The following PCED1B variants were observed in gnomAD, a reference collection of about 807,000 sequenced individuals.
PCED1B encodes PC-esterase domain containing 1B.
For synonymous variants in PCED1B, 251 were observed against 246.1 expected (o/e 1.02, Z -0.19); for missense variants, 573 against 573.9 (o/e 1.00, Z 0.02).
chr12:47,174,279 C>T (rs903367260), intron 2 of PCED1B, among the ~76,000 whole-genome samples: 7 of 151,960 alleles, frequency 4.6e-5, no homozygotes, highest in Non-Finnish European at 1.0e-4. Flanking sequence ...CATGGTGGCG[C>T]ATGCTTGTAA....
At chr12:47,156,091 G>A (rs1051790083) in intron 2 of PCED1B, among the ~76,000 whole-genome samples, 2 of 152,244 alleles carry the variant, frequency 1.3e-5, no homozygotes, top group African/African-American at 4.8e-5. Context: ...AAATGTTAGG[G>A]CTTCAAGTTC....
At position 47,236,033 on chromosome 12, in the gene PCED1B, A is replaced by G; in HGVS notation, c.970A>G (p.Ile324Val). Reference protein sequence around the residue: ...PLLSPQPPPPILHHQGMPRFP... With the variant: ...PLLSPQPPPPVLHHQGMPRFP... ...CCTGTCCCCACAGCCTCCTCCTCCCATTCTCCATCACCAGGGAATGCCCCG... is the reference window on the plus strand; with the variant it reads ...CCTGTCCCCACAGCCTCCTCCTCCCGTTCTCCATCACCAGGGAATGCCCCG... The change falls in exon 4 of 4, where the codon ATT becomes GTT. Residue 324 changes from isoleucine to valine, a missense_variant. Transcript: ENST00000546455. 3 of 1,598,200 alleles carry G rather than the reference A, an allele frequency of 1.9e-6. No individual in the cohort carries two copies. The highest frequency in any genetic ancestry group is 2.6e-6 in the Non-Finnish European group (3 of 1,174,658).
intron 2 of PCED1B, among the ~76,000 whole-genome samples, chr12:47,112,511 A>G (rs140475070): frequency 1.3e-5 from 2 of 152,290 alleles, no homozygotes; most frequent in East Asian, 3.9e-4. Context: ...ACTTCCACTC[A>G]CTATTTCCCT....
rs576089191 is a variant in PCED1B at position 47,100,996 on chromosome 12, G to A, written c.-608-3117G>A. ...GAGGCAGGAGAATCACTTGAACCCG[G>A]GAGGTGGAGGTTGCAGTGAGCCGAG... On this transcript the variant is annotated intron_variant, in intron 1 of 3. Coordinates refer to ENST00000546455, the MANE Select transcript of PCED1B (RefSeq NM_138371.3). Among the ~76,000 whole-genome samples, 33 of 152,250 alleles carry A rather than the reference G, an allele frequency of 2.2e-4. 1 individual carries two copies. Among genetic ancestry groups the A allele is most frequent in the African/African-American group, 7.9e-4 (33 of 41,540 alleles).
chr12:47,136,071 C>T (rs2137382690), intron 2 of PCED1B: 1 of 134,764 alleles, frequency 7.4e-6, no homozygotes, highest in South Asian at 2.4e-4. Flanking sequence ...CAGTACTCAC[C>T]ATTCAATTTC....
At chr12:47,234,452 G>A (rs1193410705) in intron 3 of PCED1B, among the ~76,000 whole-genome samples, 4 of 152,122 alleles carry the variant, frequency 2.6e-5, no homozygotes, top group Non-Finnish European at 5.9e-5. Context: ...ATGAAGATAT[G>A]TTTTTACATA....
chr12:47,108,195 A>T (rs1458559154), intron 2 of PCED1B, among the ~76,000 whole-genome samples: 2 of 152,160 alleles, frequency 1.3e-5, no homozygotes, highest in African/African-American at 4.8e-5. Context: ...CCAGTTGGAT[A>T]ACCCTGAGAT....
chr12:47,107,252 G>A (rs1938996525), intron 2 of PCED1B, among the ~76,000 whole-genome samples: 1 of 152,152 alleles, frequency 6.6e-6, no homozygotes, highest in African/African-American at 2.4e-5. Context: ...GGTGCACTGT[G>A]CCACATCCAT....
In PCED1B at chr12:47,132,805, T is replaced by G. The variant is rs79242679; in HGVS notation, c.-526+28610T>G. ...AGTAATGTCCCCTAAATATCAGCAT[T>G]GCTGTGAAAGGAGAACCAAAATCTA... is the stretch of plus-strand genomic sequence containing the variant. On this transcript the variant is annotated intron_variant, in intron 2 of 3. Coordinates refer to ENST00000546455, the MANE Select transcript of PCED1B (RefSeq NM_138371.3). 5.1e-3 allele frequency among the ~76,000 whole-genome samples: 770 copies of G among 152,296 alleles called. 6 individuals are homozygous for G. The highest frequency in any genetic ancestry group is 0.017 in the African/African-American group (702 of 41,564).
In PCED1B at chr12:47,227,424, C is replaced by T. The variant is rs570907326; in HGVS notation, c.-57-7583C>T. 2.0e-5 allele frequency among the ~76,000 whole-genome samples: 3 copies of T among 152,130 alleles called. No homozygotes were observed. The East Asian group carries it at 5.9e-4, about 30-fold the overall frequency. On this transcript the variant is annotated intron_variant, in intron 3 of 3. Transcript: ENST00000546455. ...CTGACCCCAGGTGATCCACCCACCT[C>T]GGCCTTCCAAAGTGCTGGGCTTACA... is the stretch of plus-strand genomic sequence containing the variant.
At chr12:47,184,990 A>G (rs1377993852) in intron 2 of PCED1B, among the ~76,000 whole-genome samples, 1 of 152,276 alleles carries the variant, frequency 6.6e-6, no homozygotes, top group East Asian at 1.9e-4. Context: ...CTGTGTAGTA[A>G]TGCTGTCAGA....
intron 2 of PCED1B, among the ~76,000 whole-genome samples, chr12:47,117,168 C>T (rs953036065): frequency 6.6e-6 from 1 of 152,146 alleles, no homozygotes; most frequent in African/African-American, 2.4e-5. Flanking sequence ...TTTCAAGGTT[C>T]ATCCCTGTTG....
At chr12:47,099,563 T>C (rs1205175145) in intron 1 of PCED1B, among the ~76,000 whole-genome samples, 1 of 152,226 alleles carries the variant, frequency 6.6e-6, no homozygotes, top group Non-Finnish European at 1.5e-5. Flanking sequence ...TCAGAATGAA[T>C]AGTTTGAGAA....
chr12:47,198,004 A>G (rs1166144792), intron 2 of PCED1B, among the ~76,000 whole-genome samples: 1 of 152,246 alleles, frequency 6.6e-6, no homozygotes, highest in Non-Finnish European at 1.5e-5. Flanking sequence ...TGTTTCTTCC[A>G]GAAAATAGAA....
intron 2 of PCED1B, among the ~76,000 whole-genome samples, chr12:47,196,796 G>A (rs1349078375): frequency 6.6e-6 from 1 of 152,078 alleles, no homozygotes; most frequent in African/African-American, 2.4e-5. Flanking sequence ...CTGCACTCCA[G>A]CCTGGGCAAA....
At chr12:47,148,201 G>A (rs1940862161) in intron 2 of PCED1B, among the ~76,000 whole-genome samples, 2 of 152,080 alleles carry the variant, frequency 1.3e-5, no homozygotes, top group African/African-American at 4.8e-5. Context: ...CCACAATAAT[G>A]ACATTAACCT....
At chr12:47,084,716 G>C (rs1592121902) in intron 1 of PCED1B, among the ~76,000 whole-genome samples, 1 of 152,160 alleles carries the variant, frequency 6.6e-6, no homozygotes, top group Non-Finnish European at 1.5e-5. Flanking sequence ...TGTGGTTGTG[G>C]GGACCAAAGT....
intron 2 of PCED1B, among the ~76,000 whole-genome samples, chr12:47,155,418 G>T (rs1468820602): frequency 1.3e-5 from 2 of 152,184 alleles, no homozygotes; most frequent in Non-Finnish European, 2.9e-5. Context: ...TAGAATTGAT[G>T]AAATATGATA....
At chr12:47,173,156 A>C (rs961564169) in intron 2 of PCED1B, among the ~76,000 whole-genome samples, 7 of 152,244 alleles carry the variant, frequency 4.6e-5, no homozygotes, top group Admixed American at 1.3e-4. Context: ...TATGGCGGGT[A>C]GTAGAAGGAA....
Sources: allele counts gnomAD v4.1 joint callset (sites outside exome capture counted in the v4.1 genomes callset), GRCh38; gene constraint gnomAD v4.1.1; transcripts MANE v1.5; gene names NCBI Gene and HGNC (gene_info 2026-07-23, HGNC 2026-07-21).